STARD13: variants seen among roughly 807,000 people sequenced by gnomAD.
The protein encoded by STARD13 is stAR-related lipid transfer protein 13.
Under a neutral mutation model 106.4 loss-of-function variants are expected in STARD13, and 62 were observed. That is an observed-to-expected ratio of 0.58 (90% CI 0.48 to 0.72). The LOEUF (loss-of-function observed/expected upper bound fraction) is 0.72, where lower values mean the gene tolerates loss of function less well. Among genes scored for constraint, STARD13 ranks in the 30% least tolerant of loss-of-function variants. The probability of loss-of-function intolerance (pLI) is 0.00; values close to 1 mark genes in which losing one functional copy is unlikely to be tolerated. For synonymous variants in STARD13, 565 were observed against 553.0 expected (o/e 1.02, Z -0.31); for missense variants, 1,387 against 1,424.0 (o/e 0.97, Z 0.42).
chr13:33,121,333 G>A lies in STARD13; in HGVS notation c.2083-3070C>T, dbSNP rs9568870. ...TGTAATCCCAGCACTTTGGGAGGCC[G>A]AGGTGGTTGGATTGTCTGAGGTCAG... On this transcript the variant is annotated intron_variant, in intron 7 of 13. Coordinates refer to ENST00000336934, the MANE Select transcript of STARD13 (RefSeq NM_178006.4). Among the ~76,000 whole-genome samples the A allele has an allele frequency of 7.0e-3, 1,069 of 152,186 alleles. 10 individuals are homozygous for A. Among genetic ancestry groups the A allele is most frequent in the Non-Finnish European group, 8.6e-3 (587 of 68,014 alleles).
At chr13:33,518,402 G>A in the STARD13 span, among the ~76,000 whole-genome samples, 12 of 152,196 alleles carry the variant, frequency 7.9e-5, no homozygotes, top group South Asian at 6.2e-4. Context: ...TTAGAAAGCC[G>A]CCTACCTGTG....
chr13:33,470,074 C>A, the STARD13 span, among the ~76,000 whole-genome samples: 1 of 152,026 alleles, frequency 6.6e-6, no homozygotes, highest in East Asian at 1.9e-4. Flanking sequence ...ACAGGCTCCA[C>A]TGTGTGATGT....
chr13:33,213,077 T>C (rs925393790), intron 1 of STARD13, among the ~76,000 whole-genome samples: 1 of 152,076 alleles, frequency 6.6e-6, no homozygotes, highest in African/African-American at 2.4e-5. Context: ...GTAAGAAAAA[T>C]CAGACAGTAC....
chr13:33,429,927 T>TG, the STARD13 span, among the ~76,000 whole-genome samples: 9,931 of 137,510 alleles, frequency 0.072, 428 homozygotes, highest in Middle Eastern at 0.12. Flanking sequence ...ACTTTTTTTT[T>TG]GGGGGGGGGG....
At chr13:33,624,309 T>G in the STARD13 span, among the ~76,000 whole-genome samples, 3 of 152,202 alleles carry the variant, frequency 2.0e-5, no homozygotes, top group Non-Finnish European at 4.4e-5. Flanking sequence ...AATGAACTAC[T>G]GATGCATGCA....
chr13:33,556,880 A>G, the STARD13 span, among the ~76,000 whole-genome samples: 1 of 152,102 alleles, frequency 6.6e-6, no homozygotes, highest in African/African-American at 2.4e-5. Context: ...CAGCCTCCCA[A>G]GTAGCTGGGA....
In STARD13 at chr13:33,199,872, G is replaced by A. The variant is rs116701286; in HGVS notation, c.170-32250C>T. Among the ~76,000 whole-genome samples, 1,001 of 152,308 alleles carry A rather than the reference G, an allele frequency of 6.6e-3. 12 individuals are homozygous for A. Among genetic ancestry groups the A allele is most frequent in the African/African-American group, 0.023 (948 of 41,552 alleles). The stretch of plus-strand genomic sequence containing the variant: ...GTATATATATGGCCAGTCATTGGCC[G>A]GGCCCAGTACCAATGGTCCAGGATG... On this transcript the variant is annotated intron_variant, in intron 1 of 13. Coordinates refer to ENST00000336934, the MANE Select transcript of STARD13 (RefSeq NM_178006.4).
At chr13:33,660,765 G>A in the STARD13 span, among the ~76,000 whole-genome samples, 1 of 152,114 alleles carries the variant, frequency 6.6e-6, no homozygotes, top group Admixed American at 6.5e-5. Context: ...TTTATTTTCT[G>A]TAGAGACAAA....
chr13:33,291,810 T>C (rs1892305544), intron 1 of STARD13, among the ~76,000 whole-genome samples: 1 of 152,220 alleles, frequency 6.6e-6, no homozygotes, highest in African/African-American at 2.4e-5. Context: ...GCACATATAT[T>C]AGATCATATA....
chr13:33,654,718 C>T, the STARD13 span: 2 of 152,152 alleles, frequency 1.3e-5, no homozygotes, highest in African/African-American at 4.8e-5. Context: ...AACTCTTCTG[C>T]CATGGTGCAG....
exon 1 of STARD13, chr13:33,350,307 C>G: frequency 6.5e-7 from 1 of 1,532,880 alleles, no homozygotes; most frequent in Non-Finnish European, 8.7e-7. Context: ...CCGCCTCTCC[C>G]GGACGTTCTT....
At chr13:33,356,184 C>G in the STARD13 span, among the ~76,000 whole-genome samples, 1 of 152,184 alleles carries the variant, frequency 6.6e-6, no homozygotes, top group Non-Finnish European at 1.5e-5. Context: ...GGATTGAAGA[C>G]GTTTCCAGTG....
chr13:33,165,994 A>G (rs1243029023), intron 2 of STARD13, among the ~76,000 whole-genome samples: 1 of 152,168 alleles, frequency 6.6e-6, no homozygotes, highest in Admixed American at 6.5e-5. Context: ...GGTCACAGGC[A>G]ATATTTAGAA....
At chr13:33,400,798 G>A in the STARD13 span, among the ~76,000 whole-genome samples, 3 of 152,292 alleles carry the variant, frequency 2.0e-5, 1 homozygote, top group South Asian at 6.2e-4. Flanking sequence ...TGATGTGGGA[G>A]ATATAGTTGT....
the STARD13 span, among the ~76,000 whole-genome samples, chr13:33,371,663 C>G: frequency 6.6e-6 from 1 of 152,138 alleles, no homozygotes; most frequent in Non-Finnish European, 1.5e-5. Flanking sequence ...AGAGAATGTT[C>G]GGTTGGTCCC....
At chr13:33,189,007 A>C (rs1308519386) in intron 1 of STARD13, among the ~76,000 whole-genome samples, 2 of 152,196 alleles carry the variant, frequency 1.3e-5, no homozygotes, top group African/African-American at 4.8e-5. Context: ...TTATTAGAGC[A>C]GACATTTAGT....
intron 1 of STARD13, among the ~76,000 whole-genome samples, chr13:33,303,156 A>C (rs7328643): frequency 0.92 from 140,303 of 152,176 alleles, 65,716 homozygotes; most frequent in East Asian, 1. Flanking sequence ...TACGCCACCT[A>C]CTCCTTCCTC....
the STARD13 span, among the ~76,000 whole-genome samples, chr13:33,650,164 A>ATG: frequency 4.8e-4 from 23 of 48,374 alleles, 3 homozygotes; most frequent in African/African-American, 1.7e-3. Context: ...CGTGACTCCA[A>ATG]TTTTTTTTTT....
chr13:33,126,404 T>C (rs1877179012), intron 6 of STARD13, among the ~76,000 whole-genome samples, 164 bp from the exon 7 acceptor site: 1 of 152,218 alleles, frequency 6.6e-6, no homozygotes, highest in South Asian at 2.1e-4. Context: ...TGCTGTGCTC[T>C]GTGTGGCCCT....
Sources: allele counts gnomAD v4.1 joint callset (sites outside exome capture counted in the v4.1 genomes callset), GRCh38; gene constraint gnomAD v4.1.1; transcripts MANE v1.5; gene names NCBI Gene and HGNC (gene_info 2026-07-23, HGNC 2026-07-21).